The following PDE1C variants were observed in gnomAD, a reference collection of about 807,000 sequenced individuals.
The protein encoded by PDE1C is dual specificity calcium/calmodulin-dependent 3',5'-cyclic nucleotide phosphodiesterase 1C.
In PDE1C, 62 loss-of-function variants were observed where a neutral mutation model predicts 93.1. The ratio of observed to expected loss-of-function variants is 0.67; its 90% CI spans 0.54 to 0.82. The LOEUF (loss-of-function observed/expected upper bound fraction) is 0.82, where lower values mean the gene tolerates loss of function less well. Among genes scored for constraint, PDE1C ranks in the 40% least tolerant of loss-of-function variants. PDE1C has a pLI of 0.00. For synonymous variants in PDE1C, 325 were observed against 310.1 expected, an observed-to-expected ratio of 1.05 and a Z score of -0.50; for missense variants, 742 against 884.6, an observed-to-expected ratio of 0.84 and a Z score of 2.04.
At chr7:32,165,489 G>T (rs1054214922) in intron 3 of PDE1C, among the ~76,000 whole-genome samples, 8 of 152,186 alleles carry the variant, frequency 5.3e-5, no homozygotes, top group African/African-American at 1.4e-4. Flanking sequence ...TGGCTAGGGA[G>T]GCCTCAGGAA....
intron 11 of PDE1C, among the ~76,000 whole-genome samples, chr7:31,833,297 A>G (rs549958886): frequency 2.3e-4 from 35 of 152,272 alleles, no homozygotes; most frequent in African/African-American, 8.2e-4. Flanking sequence ...TAAATTACCC[A>G]GTCTTGGGTA....
intron 2 of PDE1C, among the ~76,000 whole-genome samples, chr7:31,965,268 C>T (rs990831996): frequency 6.6e-6 from 1 of 152,090 alleles, no homozygotes; most frequent in Non-Finnish European, 1.5e-5. Context: ...CTTAAAGGAC[C>T]TGATGGAGCT....
At chr7:32,070,547 G>C (rs1795922325), upstream of PDE1C, 3 of 1,455,150 alleles carry the variant, frequency 2.1e-6, no homozygotes, top group African/African-American at 2.9e-5. Flanking sequence ...CCCAGACTCC[G>C]ACTTAGAGCG....
At chr7:31,667,010 C>T in the PDE1C span, among the ~76,000 whole-genome samples, 1 of 152,084 alleles carries the variant, frequency 6.6e-6, no homozygotes, top group Non-Finnish European at 1.5e-5. Flanking sequence ...GGAAAGACCC[C>T]TGTTCTATTA....
the PDE1C span, among the ~76,000 whole-genome samples, chr7:31,645,895 C>A: frequency 1.3e-5 from 2 of 152,044 alleles, no homozygotes; most frequent in Non-Finnish European, 2.9e-5. Context: ...TAAAACTCAG[C>A]TCTAAGAGAA....
At chr7:32,182,597 C>A (rs1314600375) in intron 2 of PDE1C, among the ~76,000 whole-genome samples, 1 of 152,188 alleles carries the variant, frequency 6.6e-6, no homozygotes, top group African/African-American at 2.4e-5. Context: ...CGAAATTCAA[C>A]AACCCTTCAT....
intron 1 of PDE1C, among the ~76,000 whole-genome samples, chr7:32,224,939 A>T (rs1003028714): frequency 2.0e-5 from 3 of 151,520 alleles, no homozygotes; most frequent in African/African-American, 7.3e-5. Flanking sequence ...CTGGAAGGGG[A>T]TGGGAGAAGG....
At chr7:32,259,160 G>C (rs943684119) in intron 1 of PDE1C, among the ~76,000 whole-genome samples, 5 of 152,108 alleles carry the variant, frequency 3.3e-5, no homozygotes, top group Admixed American at 3.3e-4. Context: ...TACAAGAGAT[G>C]GTGTCAGCAT....
chr7:32,057,000 C>G (rs760627336), intron 1 of PDE1C, among the ~76,000 whole-genome samples: 4 of 152,146 alleles, frequency 2.6e-5, no homozygotes, highest in African/African-American at 9.7e-5. Flanking sequence ...CAGCAATGTC[C>G]CACTTAACCT....
the PDE1C span, among the ~76,000 whole-genome samples, chr7:31,639,535 TTTG>T: frequency 2.9e-4 from 6 of 20,654 alleles, no homozygotes; most frequent in Admixed American, 7.6e-4. Context: ...TTTGTTTGTT[TTTG>T]TTTTTTTTTT....
At chr7:31,982,629 G>GT (rs1433368999) in intron 2 of PDE1C, among the ~76,000 whole-genome samples, 1 of 151,638 alleles carries the variant, frequency 6.6e-6, no homozygotes, top group Non-Finnish European at 1.5e-5. Context: ...AAACCAATAG[G>GT]TTTTGAAAGG....
chr7:32,045,403 T>C (rs533632082), intron 2 of PDE1C, among the ~76,000 whole-genome samples: 62 of 152,264 alleles, frequency 4.1e-4, no homozygotes, highest in African/African-American at 1.4e-3. Flanking sequence ...TTCTCATGGC[T>C]GATGCACTTG....
upstream of PDE1C, among the ~76,000 whole-genome samples, chr7:32,301,786 G>A (rs897022830): frequency 6.6e-6 from 1 of 152,234 alleles, no homozygotes; most frequent in African/African-American, 2.4e-5. Flanking sequence ...AACCAAGACA[G>A]ACAAGCAGAT....
intron 1 of PDE1C, among the ~76,000 whole-genome samples, chr7:32,348,660 G>A (rs1399781745): frequency 1.3e-5 from 2 of 152,098 alleles, no homozygotes; most frequent in Non-Finnish European, 2.9e-5. Flanking sequence ...ACCACGCCCA[G>A]CCACAAATGT....
chr7:31,996,473 T>C (rs999144971), intron 2 of PDE1C, among the ~76,000 whole-genome samples: 5 of 152,200 alleles, frequency 3.3e-5, no homozygotes, highest in Non-Finnish European at 5.9e-5. Flanking sequence ...GTCTTTTGGA[T>C]GGGTGACCTA....
intron 1 of PDE1C, among the ~76,000 whole-genome samples, chr7:32,412,426 A>G (rs918097723): frequency 5.2e-4 from 78 of 150,590 alleles, no homozygotes; most frequent in Admixed American, 4.4e-3. Flanking sequence ...ACTGCACTAC[A>G]GTCTAGGTGA....
At chr7:31,664,523 A>T in the PDE1C span, among the ~76,000 whole-genome samples, 36 of 152,342 alleles carry the variant, frequency 2.4e-4, 1 homozygote, top group South Asian at 6.2e-3. Context: ...TAAGAATGGG[A>T]CACAGACTCA....
intron 1 of PDE1C, among the ~76,000 whole-genome samples, chr7:32,339,010 GCACA>G (rs57740255): frequency 0.033 from 4,559 of 138,372 alleles, 125 homozygotes; most frequent in South Asian, 0.13. Context: ...CTCAAAAAAA[GCACA>G]CACACACACA....
At chr7:32,015,934 T>C (rs527959158) in intron 2 of PDE1C, among the ~76,000 whole-genome samples, 2 of 152,254 alleles carry the variant, frequency 1.3e-5, no homozygotes, top group South Asian at 4.1e-4. Flanking sequence ...GCTCAGACAC[T>C]GGACCAAATT....
Sources: gnomAD v4.1 joint callset for allele counts (sites outside exome capture counted in the v4.1 genomes callset) on GRCh38, gnomAD v4.1.1 for gene constraint, MANE v1.5 for transcripts, NCBI Gene and HGNC (gene_info 2026-07-23, HGNC 2026-07-21) for gene names.